The following CKAP5 variants were observed in gnomAD, a reference collection of about 807,000 sequenced individuals.
CKAP5 encodes the protein cytoskeleton-associated protein 5.
Under a neutral mutation model 232.8 loss-of-function variants are expected in CKAP5, and 27 were observed. The ratio of observed to expected loss-of-function variants is 0.12; its 90% CI spans 0.09 to 0.16. The LOEUF is 0.16. Ranked by LOEUF, CKAP5 falls within the 10% of genes least tolerant of loss-of-function variation. The pLI, the probability that CKAP5 is intolerant of heterozygous loss-of-function variation, is 1.00. For synonymous variants in CKAP5, 785 were observed against 841.1 expected (o/e 0.93, Z 1.16); for missense variants, 1,838 against 2,424.7 (o/e 0.76, Z 5.08).
intron 1 of CKAP5, among the ~76,000 whole-genome samples, chr11:46,833,590 TGCCTCA>T (rs113769152): frequency 1.3e-5 from 2 of 151,760 alleles, no homozygotes; most frequent in African/African-American, 4.8e-5. Flanking sequence ...GCCATTCTCC[TGCCTCA>T]GCCTCCCAAG....
intron 1 of CKAP5, among the ~76,000 whole-genome samples, chr11:46,829,479 G>A (rs959042370): frequency 1.2e-4 from 19 of 152,134 alleles, no homozygotes; most frequent in African/African-American, 4.1e-4. Flanking sequence ...CAGAAAGAGT[G>A]AGCCAAGAGG....
At chr11:46,838,834 A>G (rs1361665003) in intron 1 of CKAP5, among the ~76,000 whole-genome samples, 1 of 147,042 alleles carries the variant, frequency 6.8e-6, no homozygotes, top group Non-Finnish European at 1.5e-5. Context: ...CTGAGCCACC[A>G]TTGTCGCAAC....
At chr11:46,800,817 T>C (rs917032214) in intron 9 of CKAP5, among the ~76,000 whole-genome samples, 2 of 152,238 alleles carry the variant, frequency 1.3e-5, no homozygotes, top group African/African-American at 4.8e-5. Flanking sequence ...TTTATAGTTT[T>C]ACATTGCCTT....
At chr11:46,838,945 A>G (rs1367327819) in intron 1 of CKAP5, among the ~76,000 whole-genome samples, 2 of 152,066 alleles carry the variant, frequency 1.3e-5, no homozygotes, top group East Asian at 1.9e-4. Context: ...TTCAGAGAAG[A>G]TGATGCCAGT....
At chr11:46,845,131 T>C (rs1243981754) in intron 1 of CKAP5, among the ~76,000 whole-genome samples, 1 of 152,220 alleles carries the variant, frequency 6.6e-6, no homozygotes, top group Non-Finnish European at 1.5e-5. Context: ...TTCAAAAGAT[T>C]CTTAGCTTAA....
chr11:46,765,079 T>C, intron 28 of CKAP5, 52 bp downstream of exon 28: 1 of 1,561,116 alleles, frequency 6.4e-7, no homozygotes, highest in East Asian at 2.3e-5. Flanking sequence ...AAAACTATTC[T>C]TGAATAACAA....
chr11:46,802,549 G>GACACACACAC (rs761221755), intron 8 of CKAP5, among the ~76,000 whole-genome samples: 27 of 122,330 alleles, frequency 2.2e-4, no homozygotes, highest in Admixed American at 1.7e-3. Context: ...CAGACAGACA[G>GACACACACAC]ACAGACAGAC....
chr11:46,753,387 T>G lies in CKAP5; in HGVS notation c.4980A>C (p.Glu1660Asp). The G allele has an allele frequency of 6.2e-7, 1 of 1,613,976 alleles. No homozygotes were observed. The highest frequency in any genetic ancestry group is 8.5e-7 in the Non-Finnish European group (1 of 1,179,978). The change falls in exon 37 of 44, where the codon GAA becomes GAC. Residue 1660 changes from glutamate to aspartate, a missense_variant. Glu to Asp is a conservative substitution (Grantham distance 45). This residue lies in a region of CKAP5 where 579 missense variants were observed against 843.2 expected (regional missense o/e 0.69). Transcript: ENST00000529230. The stretch of plus-strand genomic sequence containing the variant: ...TCACAGAGCGGATGACCTGTTGTCC[T>G]TCCTCAAGATCTTCAATCCGAGAAT... ...MLDSRIEDLE[E>D]GQQVIRSVNL...
chr11:46,808,199 G>A, intron 7 of CKAP5, 55 bp from the exon 8 acceptor site: 2 of 1,158,082 alleles, frequency 1.7e-6, no homozygotes, highest in Non-Finnish European at 2.5e-6. Flanking sequence ...CGGAATAAAA[G>A]TCTATTTATT....
chr11:46,747,447 C>T (rs1244944924), intron 42 of CKAP5, among the ~76,000 whole-genome samples: 1 of 151,602 alleles, frequency 6.6e-6, no homozygotes, highest in East Asian at 2.0e-4. Context: ...ACTAAAACTA[C>T]AAAACTTAGC....
rs774654381 is a variant in CKAP5 at position 46,801,315 on chromosome 11, G to C, written c.979-11C>G. 1.3e-6 allele frequency: 2 copies of C among 1,596,074 alleles called. No homozygotes were observed. The highest frequency in any genetic ancestry group is 1.7e-6 in the Non-Finnish European group (2 of 1,163,984). ...GTCCTTTCCAACAACCTACAAAGGG[G>C]GGTAAAAAGGAAAACAAAATAGTCA... On this transcript the variant is annotated splice_polypyrimidine_tract_variant and intron_variant, in intron 8 of 43. Coordinates refer to ENST00000529230, the MANE Select transcript of CKAP5 (RefSeq NM_001008938.4).
rs767718275 is a variant in CKAP5, at chr11:46,797,900, G to T, written c.1243C>A (p.Gln415Lys). The stretch of plus-strand genomic sequence containing the variant: ...CTTCTTGCAATAAAAAGAGATGTCT[G>T]CTGCTTGATGGTTGGATTTTTATTA... ...MDNKNPTIKQ[Q>K]TSLFIARSFR... Residue 415 changes from glutamine (Q) to lysine (K), a missense_variant, in exon 11 of 44, where the codon CAG becomes AAG. Around this residue, in one of 6 missense-constraint regions of CKAP5, gnomAD observed 767 missense variants for 954.6 expected, o/e 0.80. Transcript: ENST00000529230. 10 of 1,613,892 alleles carry T rather than the reference G, an allele frequency of 6.2e-6. No individual in the cohort carries two copies. In the African/African-American group the frequency reaches 1.3e-4, roughly 22 times the overall value.
chr11:46,829,838 A>ATGTGTGTGTG (rs57602333), intron 1 of CKAP5, among the ~76,000 whole-genome samples: 2 of 143,032 alleles, frequency 1.4e-5, no homozygotes, highest in South Asian at 2.3e-4. Flanking sequence ...CCTTTTTTGT[A>ATGTGTGTGTG]TGTGTGTGTG....
chr11:46,844,247 G>T (rs1940126200), intron 1 of CKAP5, among the ~76,000 whole-genome samples: 1 of 150,830 alleles, frequency 6.6e-6, no homozygotes, highest in African/African-American at 2.4e-5. Context: ...GGAAAAGAAA[G>T]TGAGTGTTGA....
At chr11:46,803,787 T>G (rs1161748669) in intron 8 of CKAP5, among the ~76,000 whole-genome samples, 1 of 152,220 alleles carries the variant, frequency 6.6e-6, no homozygotes, top group East Asian at 1.9e-4. Flanking sequence ...CTCTAATTAC[T>G]GTAAGTCTAT....
rs1383742356 is a variant in CKAP5 at position 46,743,705 on chromosome 11, G to GAT, written c.*316_*317dup. 3.2e-6 allele frequency: 1 copy of GAT among 308,526 alleles called. No individual in the cohort carries two copies. The highest frequency in any genetic ancestry group is 6.3e-5 in the East Asian group (1 of 15,912). The allele number at this position is 308,526 out of a possible 1,614,324, so 19.1% of individuals were successfully genotyped here. On this transcript the variant is annotated 3_prime_UTR_variant, in exon 44 of 44. Transcript: ENST00000529230. ...TATTAACTATTAAAAAGCTAGGAAA[G>GAT]ATTAGGACAATTTTACAAATGAGCA...
intron 35 of CKAP5, among the ~76,000 whole-genome samples, chr11:46,758,442 T>C (rs920029367): frequency 6.6e-5 from 10 of 152,204 alleles, no homozygotes; most frequent in Admixed American, 4.6e-4. Flanking sequence ...CTTGTCTCTG[T>C]CCACTAAAAT....
intron 38 of CKAP5, 21 bp from the exon 39 acceptor site, chr11:46,751,555 GA>G: frequency 6.4e-7 from 1 of 1,567,540 alleles, no homozygotes; most frequent in Non-Finnish European, 8.7e-7. Flanking sequence ...AAGAATAAAA[GA>G]GTTAGGAGTG....
intron 42 of CKAP5, among the ~76,000 whole-genome samples, chr11:46,747,401 AG>A (rs2065030100): frequency 6.6e-6 from 1 of 151,990 alleles, no homozygotes; most frequent in East Asian, 1.9e-4. Flanking sequence ...CAGGAGTTGG[AG>A]ACCAGCCTGG....
Sources: allele counts gnomAD v4.1 joint callset (sites outside exome capture counted in the v4.1 genomes callset), GRCh38; gene constraint gnomAD v4.1.1; regional missense constraint gnomAD v4.1.1; transcripts MANE v1.5; gene names NCBI Gene and HGNC (gene_info 2026-07-23, HGNC 2026-07-21).